The following PRDM6 variants were observed in gnomAD, a reference collection of about 807,000 sequenced individuals.
PRDM6 encodes the protein putative histone-lysine N-methyltransferase PRDM6.
In PRDM6, 25 loss-of-function variants were observed where a neutral mutation model predicts 60.8. That is an observed-to-expected ratio of 0.41 (90% CI 0.30 to 0.57). PRDM6 has a LOEUF of 0.57. Among genes scored for constraint, PRDM6 ranks in the 20% least tolerant of loss-of-function variants. The pLI, the probability that PRDM6 is intolerant of heterozygous loss-of-function variation, is 0.27. For synonymous variants in PRDM6, 407 were observed against 357.4 expected (o/e 1.14, Z -1.57); for missense variants, 839 against 821.3 (o/e 1.02, Z -0.26).
intron 2 of PRDM6, among the ~76,000 whole-genome samples, chr5:123,093,218 G>A (rs1763881403): frequency 6.6e-6 from 1 of 152,132 alleles, no homozygotes; most frequent in Admixed American, 6.5e-5. Context: ...AAAAGGATAG[G>A]TATTGAGTTG....
rs750511733 is a variant in PRDM6 at position 123,090,572 on chromosome 5, C to T, written c.558C>T (p.Ile186=). The T allele has an allele frequency of 1.8e-5, 28 of 1,525,634 alleles. No homozygotes were observed. The highest frequency in any genetic ancestry group is 2.4e-5 in the Non-Finnish European group (27 of 1,143,722). 94.5% of individuals were successfully genotyped at this position (1,525,634 alleles called of 1,614,324 possible). A position where few individuals can be genotyped will look rare whatever the true frequency, so the allele number is the denominator to read the frequency against. The change falls in exon 2 of 8, where the codon ATC becomes ATT. Residue 186 remains isoleucine (I), a synonymous_variant. Transcript: ENST00000407847. ...ATGGCCAGCAGCGCATGGAGATCAT[C>T]CCGCTCAACCAGCACACCAGCGACC... ...YLYGQQRMEI[I]PLNQHTSDPN...
intron 5 of PRDM6, among the ~76,000 whole-genome samples, chr5:123,168,414 A>G (rs1017128738): frequency 1.3e-5 from 2 of 152,186 alleles, no homozygotes; most frequent in Non-Finnish European, 2.9e-5. Flanking sequence ...TCTGTCTTAT[A>G]AGTCTGAAAG....
intron 3 of PRDM6, among the ~76,000 whole-genome samples, chr5:123,108,346 G>A (rs1053322680): frequency 6.6e-6 from 1 of 152,040 alleles, no homozygotes; most frequent in Non-Finnish European, 1.5e-5. Context: ...AGCACCAAGA[G>A]CTAAATATTG....
chr5:123,152,008 C>T (rs1025187294), intron 3 of PRDM6, among the ~76,000 whole-genome samples: 1 of 151,690 alleles, frequency 6.6e-6, no homozygotes, highest in African/African-American at 2.4e-5. Context: ...AAAAAAAAAA[C>T]AGAAAAAAAC....
At chr5:123,110,309 AG>A (rs1764282035) in intron 3 of PRDM6, among the ~76,000 whole-genome samples, 1 of 135,060 alleles carries the variant, frequency 7.4e-6, no homozygotes, top group Non-Finnish European at 1.5e-5. Flanking sequence ...GTCTTGCTGG[AG>A]TGCAGTGGCA....
intron 3 of PRDM6, among the ~76,000 whole-genome samples, chr5:123,142,612 T>G (rs1561848130): frequency 6.6e-6 from 1 of 152,076 alleles, no homozygotes; most frequent in Non-Finnish European, 1.5e-5. Flanking sequence ...AATGCTTTGG[T>G]GTCTTAATAA....
rs533402943 is a variant in PRDM6 at position 123,090,524 on chromosome 5, A to C, written c.510A>C (p.Ala170=). Reference sequence around the variant, plus strand: ...GCGCCCCGCGCTTCCGCTGCAGCGCAGAGGAGCTGGACTATTACCTGTATG... The same window carrying C: ...GCGCCCCGCGCTTCCGCTGCAGCGCCGAGGAGCTGGACTATTACCTGTATG... ...GRGAPRFRCS[A]EELDYYLYGQ... Residue 170 remains alanine (A), a synonymous_variant, in exon 2 of 8, where the codon GCA becomes GCC. Transcript: ENST00000407847. 6.0e-6 allele frequency: 9 copies of C among 1,505,164 alleles called. No individual in the cohort carries two copies. In the Admixed American group the frequency reaches 1.0e-4, roughly 17 times the overall value. 93.2% of individuals were successfully genotyped at this position (1,505,164 alleles called of 1,614,324 possible).
intron 3 of PRDM6, among the ~76,000 whole-genome samples, chr5:123,132,005 A>T (rs1764844382): frequency 6.6e-6 from 1 of 152,174 alleles, no homozygotes; most frequent in African/African-American, 2.4e-5. Context: ...TTTGAGAATG[A>T]CGTCAGTTAA....
rs1487254702 is a variant in PRDM6, at chr5:123,090,376, C to T, written c.362C>T (p.Pro121Leu). ...GTGTCGCAGCTGCCGGTGTTCGCGC[C>T]TCTAGCCGCCGCTGCCGTCGCCGCC... The part of the protein sequence containing the change: ...LPVSQLPVFA[P>L]LAAAAVAAEP... Residue 121 changes from proline to leucine, a missense_variant, in exon 2 of 8, where the codon CCT (proline) becomes CTT (leucine). By Grantham distance (98) the Pro-to-Leu change is moderately conservative (BLOSUM62 -3). Around this residue, in one of 2 missense-constraint regions of PRDM6, gnomAD observed 730 missense variants for 648.8 expected, o/e 1.13. Coordinates refer to ENST00000407847, the MANE Select transcript of PRDM6 (RefSeq NM_001136239.4). 11 of 1,468,204 alleles carry T rather than the reference C, an allele frequency of 7.5e-6. No individual in the cohort carries two copies. The highest frequency in any genetic ancestry group is 2.9e-5 in the African/African-American group (2 of 68,082). 90.9% of individuals were successfully genotyped at this position (1,468,204 alleles called of 1,614,324 possible). A position where few individuals can be genotyped will look rare whatever the true frequency, so the allele number is the denominator to read the frequency against.
chr5:123,122,963 CT>C (rs1205036135), intron 3 of PRDM6, among the ~76,000 whole-genome samples: 1 of 152,128 alleles, frequency 6.6e-6, no homozygotes, highest in Admixed American at 6.5e-5. Flanking sequence ...AATTTTTCCC[CT>C]GGAATGGAAA....
At chr5:123,168,150 A>C (rs920027547) in intron 5 of PRDM6, among the ~76,000 whole-genome samples, 3 of 152,194 alleles carry the variant, frequency 2.0e-5, no homozygotes, top group Admixed American at 2.0e-4. Flanking sequence ...ACTGTCCACA[A>C]ATTCTATATT....
intron 6 of PRDM6, among the ~76,000 whole-genome samples, chr5:123,176,159 A>G (rs955683302): frequency 6.6e-6 from 1 of 151,890 alleles, no homozygotes; most frequent in African/African-American, 2.4e-5. Flanking sequence ...CAGGCGCACT[A>G]GCCACACATG....
chr5:123,101,885 G>A (rs1320810549), intron 3 of PRDM6, among the ~76,000 whole-genome samples: 1 of 152,192 alleles, frequency 6.6e-6, no homozygotes, highest in Admixed American at 6.5e-5. Context: ...TTGTAGTAAA[G>A]AGACTGGGGA....
intron 2 of PRDM6, among the ~76,000 whole-genome samples, chr5:123,092,467 AC>A (rs1259015686): frequency 6.6e-6 from 1 of 152,210 alleles, no homozygotes; most frequent in Non-Finnish European, 1.5e-5. Flanking sequence ...GAAAATTAAT[AC>A]GTTTTCACCA....
At chr5:123,116,545 C>A (rs1390976297) in intron 3 of PRDM6, among the ~76,000 whole-genome samples, 1 of 152,074 alleles carries the variant, frequency 6.6e-6, no homozygotes, top group African/African-American at 2.4e-5. Flanking sequence ...ACCGTCATAT[C>A]TTTTAAGAAC....
Position 123,170,824 on chromosome 5 carries a change from C to T in PRDM6, c.1212C>T (p.Phe404=). The T allele has an allele frequency of 6.4e-7, 1 of 1,552,202 alleles. No homozygotes were observed. Among genetic ancestry groups the T allele is most frequent in the Non-Finnish European group, 8.7e-7 (1 of 1,147,104 alleles). ...AMCRQDALQP[F]NKSSKLAPTT... is the part of the protein sequence containing the mutation. ...GCAGACAAGACGCCCTGCAGCCCTT[C>T]AACAAAAGCAGCAAACTCGCCCCTA... Residue 404 remains phenylalanine (F), a synonymous_variant, in exon 6 of 8, where the codon TTC becomes TTT. Coordinates refer to ENST00000407847, the MANE Select transcript of PRDM6 (RefSeq NM_001136239.4).
intron 3 of PRDM6, among the ~76,000 whole-genome samples, chr5:123,127,659 G>A (rs904539613): frequency 6.6e-6 from 1 of 152,074 alleles, no homozygotes; most frequent in Non-Finnish European, 1.5e-5. Flanking sequence ...TTAGAGAAAT[G>A]CTATTCTAAG....
At chr5:123,146,859 C>T (rs957595067) in intron 3 of PRDM6, among the ~76,000 whole-genome samples, 4 of 152,104 alleles carry the variant, frequency 2.6e-5, no homozygotes, top group Admixed American at 6.5e-5. Flanking sequence ...TGGATACAAA[C>T]GTGGTAATAA....
At chr5:123,147,612 T>G (rs1765276116) in intron 3 of PRDM6, among the ~76,000 whole-genome samples, 1 of 151,894 alleles carries the variant, frequency 6.6e-6, no homozygotes, top group African/African-American at 2.4e-5. Flanking sequence ...CTCAAAAGAG[T>G]ACAACATCAA....
Sources: allele counts gnomAD v4.1 joint callset (sites outside exome capture counted in the v4.1 genomes callset), GRCh38; gene constraint gnomAD v4.1.1; regional missense constraint gnomAD v4.1.1; transcripts MANE v1.5; gene names NCBI Gene and HGNC (gene_info 2026-07-23, HGNC 2026-07-21).